The following SCN2A variants were observed in gnomAD, a reference collection of about 807,000 sequenced individuals.
SCN2A encodes sodium channel protein type 2 subunit alpha.
Under a neutral mutation model 188.7 loss-of-function variants are expected in SCN2A, and 20 were observed. The ratio of observed to expected loss-of-function variants is 0.11; its 90% confidence interval spans 0.07 to 0.15. The LOEUF is 0.15. SCN2A is among the 10% of genes least tolerant of loss of function. The probability of loss-of-function intolerance (pLI) is 1.00; values close to 1 mark genes in which losing one functional copy is unlikely to be tolerated. For missense variants in SCN2A, 1,278 were observed against 2,445.0 expected, an observed-to-expected ratio of 0.52 and a Z score of 10.07; for synonymous variants, 804 against 833.1, an observed-to-expected ratio of 0.97 and a Z score of 0.60.
At chr2:165,299,345 G>A (rs908563761) in intron 3 of SCN2A, among the ~76,000 whole-genome samples, 1 of 152,202 alleles carries the variant, frequency 6.6e-6, no homozygotes, top group Non-Finnish European at 1.5e-5. Flanking sequence ...TGGGAGGCCT[G>A]AGGAGATGCA....
chr2:165,261,480 A>G (rs1424856039), intron 1 of SCN2A, among the ~76,000 whole-genome samples: 1 of 152,214 alleles, frequency 6.6e-6, no homozygotes, highest in Non-Finnish European at 1.5e-5. Flanking sequence ...GAAACAGGGA[A>G]GTTATATACT....
chr2:165,269,558 AAATATACACGTAAAACACTTAAGAC>A (rs1226849288), intron 1 of SCN2A: 4 of 152,072 alleles, frequency 2.6e-5, no homozygotes, highest in East Asian at 1.9e-4. Flanking sequence ...TGAATTAATG[AAATATACACGTAAAACACTTAAGAC>A]AATTCCTGGC....
chr2:165,371,103 G>A (rs935091286), intron 20 of SCN2A: 2 of 152,026 alleles, frequency 1.3e-5, no homozygotes, highest in Non-Finnish European at 1.5e-5. Context: ...TTTTCTGTAT[G>A]TACTTATCAT....
In SCN2A at chr2:165,381,078, CT is replaced by C; in HGVS notation, c.4447-12del. 2 of 1,514,904 alleles carry C rather than the reference CT, an allele frequency of 1.3e-6. No individual in the cohort carries two copies. Among genetic ancestry groups the C allele is most frequent in the Non-Finnish European group, 1.8e-6 (2 of 1,105,942 alleles). The allele number at this position is 1,514,904 out of a possible 1,614,324, so 93.8% of individuals were successfully genotyped here. On this transcript the variant is annotated splice_polypyrimidine_tract_variant and intron_variant, in intron 24 of 26. Transcript: ENST00000375437. ...AAGAACACAATTTTAACAAGTGTTG[CT>C]TTCATTTCTTTACTTTGGAGGTCAA...
intron 1 of SCN2A, among the ~76,000 whole-genome samples, chr2:165,255,160 T>G (rs1179099632): frequency 6.6e-6 from 1 of 151,898 alleles, no homozygotes; most frequent in Admixed American, 6.6e-5. Context: ...ATAACTTGTT[T>G]TGTGGTTTCT....
chr2:165,259,761 C>T (rs976175495), intron 1 of SCN2A, among the ~76,000 whole-genome samples: 2 of 152,074 alleles, frequency 1.3e-5, no homozygotes, highest in Non-Finnish European at 2.9e-5. Context: ...CGACTGGAAT[C>T]AACTTCTTCC....
At chr2:165,341,284 G>A (rs1405753805) in intron 14 of SCN2A, among the ~76,000 whole-genome samples, 1 of 151,810 alleles carries the variant, frequency 6.6e-6, no homozygotes, top group African/African-American at 2.4e-5. Flanking sequence ...TAGTAGAGAA[G>A]AGGTTTCACC....
chr2:165,366,931 G>A (rs1306555141), intron 18 of SCN2A, among the ~76,000 whole-genome samples: 1 of 151,654 alleles, frequency 6.6e-6, no homozygotes, highest in Non-Finnish European at 1.5e-5. Context: ...ACCAACTTTT[G>A]GTAAGTTTAT....
chr2:165,242,831 G>A (rs1693679703), intron 1 of SCN2A, among the ~76,000 whole-genome samples: 1 of 152,198 alleles, frequency 6.6e-6, no homozygotes, highest in Non-Finnish European at 1.5e-5. Flanking sequence ...GACACAGGAA[G>A]AAAGGGTGGT....
chr2:165,306,403 C>T (rs16850375), intron 3 of SCN2A, among the ~76,000 whole-genome samples: 39,347 of 151,782 alleles, frequency 0.26, 5,283 homozygotes, highest in African/African-American at 0.28. Context: ...GCACAGGGGA[C>T]CCTCTAGTTT....
chr2:165,352,598 T>C (rs1699981374), intron 16 of SCN2A, among the ~76,000 whole-genome samples: 1 of 152,142 alleles, frequency 6.6e-6, no homozygotes, highest in African/African-American at 2.4e-5. Context: ...GTTCAAAGCT[T>C]TTGAGCACCA....
rs550484699 is a variant in SCN2A at position 165,304,768 on chromosome 2, A to G, written c.387-3080A>G. 1.6e-3 allele frequency among the ~76,000 whole-genome samples: 237 copies of G among 152,352 alleles called. 1 individual carries two copies. Among genetic ancestry groups the G allele is most frequent in the African/African-American group, 5.5e-3 (228 of 41,576 alleles). On this transcript the variant is annotated intron_variant, in intron 3 of 26. Transcript: ENST00000375437. ...TTTGACAACCTAAAATAATTACAGT[A>G]TTATCCAAATGGGGATAATGCAATG...
At chr2:165,296,909 A>G (rs1696541244) in intron 2 of SCN2A, 108 bp from the exon 3 acceptor site, 1 of 669,056 alleles carries the variant, frequency 1.5e-6, no homozygotes. Context: ...ATTATGTTAT[A>G]CACTATTTTA....
At chr2:165,321,220 A>G (rs558733102) in intron 11 of SCN2A, among the ~76,000 whole-genome samples, 19 of 152,224 alleles carry the variant, frequency 1.2e-4, no homozygotes, top group Admixed American at 9.8e-4. Flanking sequence ...TCCATTTCCC[A>G]ACAAGTTCCT....
At chr2:165,269,540 G>T (rs1695014038) in intron 1 of SCN2A, 1 of 151,916 alleles carries the variant, frequency 6.6e-6, no homozygotes, top group African/African-American at 2.4e-5. Context: ...ACATTTTATT[G>T]TGAAGATTGA....
At chr2:165,360,298 T>A (rs1700396265) in intron 17 of SCN2A, among the ~76,000 whole-genome samples, 1 of 151,982 alleles carries the variant, frequency 6.6e-6, no homozygotes, top group Non-Finnish European at 1.5e-5. Context: ...TTGCTCACAT[T>A]TGCTGTCTAA....
At chr2:165,250,594 T>A (rs1403066873) in intron 1 of SCN2A, among the ~76,000 whole-genome samples, 4 of 151,626 alleles carry the variant, frequency 2.6e-5, no homozygotes, top group Admixed American at 2.0e-4. Context: ...ACTCCATGAG[T>A]AATTTTTACA....
intron 1 of SCN2A, chr2:165,270,650 C>T (rs1695064071): frequency 1.3e-5 from 2 of 152,072 alleles, no homozygotes; most frequent in African/African-American, 4.8e-5. Flanking sequence ...CTGCTATTGT[C>T]CCAACCTGCT....
intron 1 of SCN2A, among the ~76,000 whole-genome samples, chr2:165,259,492 T>G (rs1694479084): frequency 6.6e-6 from 1 of 152,218 alleles, no homozygotes; most frequent in Admixed American, 6.5e-5. Flanking sequence ...ATCAACAAGT[T>G]TATGTAATAT....
Sources: allele counts gnomAD v4.1 joint callset (sites outside exome capture counted in the v4.1 genomes callset), GRCh38; gene constraint gnomAD v4.1.1; transcripts MANE v1.5; gene names NCBI Gene and HGNC (gene_info 2026-07-23, HGNC 2026-07-21).